The following FAM13A variants were observed in gnomAD, a reference collection of about 807,000 sequenced individuals.
FAM13A encodes family with sequence similarity 13 member A, also known as protein FAM13A.
A neutral mutation model predicts 129.6 loss-of-function variants in FAM13A; 76 were observed. The ratio of observed to expected loss-of-function variants is 0.59; its 90% CI spans 0.49 to 0.71. The LOEUF (loss-of-function observed/expected upper bound fraction) is 0.71, where lower values mean the gene tolerates loss of function less well. Ranked by LOEUF, FAM13A falls within the 30% of genes least tolerant of loss-of-function variation. The pLI is 0.00. For missense variants in FAM13A, 1,108 were observed against 1,249.3 expected (o/e 0.89, Z 1.70); for synonymous variants, 443 against 449.9 (o/e 0.98, Z 0.20).
At chr4:88,922,969 C>A (rs947838941) in intron 5 of FAM13A, among the ~76,000 whole-genome samples, 2 of 152,136 alleles carry the variant, frequency 1.3e-5, no homozygotes, top group South Asian at 2.1e-4. Context: ...ATAAATTCCT[C>A]GACACATACA....
At position 89,028,337 on chromosome 4, in the gene FAM13A, C is replaced by T. The variant is rs566215938; in HGVS notation, c.217+1123G>A. Reference sequence around the variant, plus strand: ...TAGAAAACCAAACCATGCATAAGGGCGGGGGGGATTACTGTACAGAATATT... The same window carrying T: ...TAGAAAACCAAACCATGCATAAGGGTGGGGGGGATTACTGTACAGAATATT... On this transcript the variant is annotated intron_variant, in intron 2 of 23. Coordinates refer to ENST00000264344, the MANE Select transcript of FAM13A (RefSeq NM_014883.4). Among the ~76,000 whole-genome samples, 226 of 151,658 alleles carry T rather than the reference C, an allele frequency of 1.5e-3. 2 individuals carry two copies. The highest frequency in any genetic ancestry group is 5.1e-3 in the African/African-American group (212 of 41,320).
intron 4 of FAM13A, among the ~76,000 whole-genome samples, chr4:88,940,886 TCA>T (rs1754649099): frequency 1.3e-5 from 2 of 152,188 alleles, no homozygotes. Context: ...CACAGAAGAC[TCA>T]CAGAGTTTTA....
Position 88,805,102 on chromosome 4 carries a change from T to C in FAM13A, c.1008-50A>G, listed in dbSNP as rs758874393. The C allele has an allele frequency of 3.7e-5, 36 of 974,634 alleles. 1 individual carries two copies. Among genetic ancestry groups the C allele is most frequent in the Non-Finnish European group, 5.1e-5 (32 of 627,956 alleles). 60.4% of individuals were successfully genotyped at this position (974,634 alleles called of 1,614,324 possible). On this transcript the variant is annotated intron_variant, in intron 7 of 23. Transcript: ENST00000264344. ...TAATATAATGTCTGTTAATATGACA[T>C]GTCAATTTTACTAAAAATGTTCTAC... is the stretch of plus-strand genomic sequence containing the variant.
At chr4:88,758,052 G>A (rs1744048418) in intron 14 of FAM13A, among the ~76,000 whole-genome samples, 1 of 152,106 alleles carries the variant, frequency 6.6e-6, no homozygotes, top group Admixed American at 6.5e-5. Context: ...GCAGACACAT[G>A]GATAATGAAA....
At chr4:88,735,309 A>G (rs1738758317) in intron 21 of FAM13A, among the ~76,000 whole-genome samples, 1 of 152,248 alleles carries the variant, frequency 6.6e-6, no homozygotes, top group Non-Finnish European at 1.5e-5. Context: ...TACATTTTAA[A>G]TTACATATTA....
chr4:88,867,323 A>C (rs1371897016), intron 6 of FAM13A, among the ~76,000 whole-genome samples: 7 of 152,198 alleles, frequency 4.6e-5, no homozygotes, highest in Non-Finnish European at 7.4e-5. Context: ...GTGCTTTAGA[A>C]ACATTAGACA....
At chr4:88,748,391 C>T (rs2149464128) in intron 17 of FAM13A, among the ~76,000 whole-genome samples, 1 of 152,324 alleles carries the variant, frequency 6.6e-6, no homozygotes. Flanking sequence ...GCTTTAGCCA[C>T]ATCAGCCTGT....
intron 6 of FAM13A, among the ~76,000 whole-genome samples, chr4:88,871,948 C>T (rs535795526): frequency 4.6e-5 from 7 of 152,292 alleles, no homozygotes; most frequent in East Asian, 3.9e-4. Flanking sequence ...GCGGATCTCT[C>T]GGCAGAAACT....
At chr4:88,996,855 C>T (rs537248928) in intron 3 of FAM13A, among the ~76,000 whole-genome samples, 2 of 152,194 alleles carry the variant, frequency 1.3e-5, no homozygotes, top group South Asian at 2.1e-4. Flanking sequence ...ATATTAAAAG[C>T]GCTCAAGACA....
chr4:88,927,673 AT>A (rs942712018), intron 5 of FAM13A, among the ~76,000 whole-genome samples: 14 of 151,116 alleles, frequency 9.3e-5, no homozygotes, highest in Non-Finnish European at 1.5e-4. Context: ...GTCTTTGATG[AT>A]TTTTTTTATT....
At chr4:88,940,889 CAG>C (rs1403406134) in intron 4 of FAM13A, among the ~76,000 whole-genome samples, 4 of 152,154 alleles carry the variant, frequency 2.6e-5, no homozygotes, top group Non-Finnish European at 5.9e-5. Flanking sequence ...AGAAGACTCA[CAG>C]AGTTTTATTT....
intron 7 of FAM13A, among the ~76,000 whole-genome samples, chr4:88,831,471 C>T (rs143517963): frequency 2.8e-4 from 42 of 152,226 alleles, no homozygotes; most frequent in African/African-American, 7.9e-4. Context: ...AAAATAAACT[C>T]GTCATATTCC....
At position 88,852,112 on chromosome 4, in the gene FAM13A, T is replaced by C. The variant is rs535658597; in HGVS notation, c.844-929A>G. Among the ~76,000 whole-genome samples, 28 of 151,990 alleles carry C rather than the reference T, an allele frequency of 1.8e-4. 1 individual carries two copies. The highest frequency in any genetic ancestry group is 1.3e-3 in the Admixed American group (20 of 15,258). On this transcript the variant is annotated intron_variant, in intron 6 of 23. Coordinates refer to ENST00000264344, the MANE Select transcript of FAM13A (RefSeq NM_014883.4). ...TAAAACCAAACCAATCCTAACTTCCTTAGAGGCTGAGATAACTCCAGTGGA... is the reference window on the plus strand; with the variant it reads ...TAAAACCAAACCAATCCTAACTTCCCTAGAGGCTGAGATAACTCCAGTGGA...
Position 88,738,478 on chromosome 4 carries a change from C to T in FAM13A, c.2562+552G>A, listed in dbSNP as rs897109218. Among the ~76,000 whole-genome samples, 4 of 152,232 alleles carry T rather than the reference C, an allele frequency of 2.6e-5. No homozygotes were observed. The East Asian group carries it at 7.7e-4, about 29-fold the overall frequency. ...TCTTGACAAAATCAAAAGCCAGGAG[C>T]CAAAAGCAGCAAAGTTTAAGGATGG... is the stretch of plus-strand genomic sequence containing the variant. On this transcript the variant is annotated intron_variant, in intron 20 of 23. Transcript: ENST00000264344.
chr4:88,925,726 AAAGAG>A (rs2148746107), intron 5 of FAM13A, among the ~76,000 whole-genome samples: 1 of 152,126 alleles, frequency 6.6e-6, no homozygotes, highest in East Asian at 1.9e-4. Flanking sequence ...AAAAATAAAA[AAAGAG>A]AAATGCCAAT....
intron 1 of FAM13A, among the ~76,000 whole-genome samples, chr4:89,031,705 G>A (rs1304431463): frequency 1.3e-5 from 2 of 151,992 alleles, no homozygotes; most frequent in Admixed American, 6.6e-5. Flanking sequence ...CTCCATAAAG[G>A]TTACTTTTTT....
At chr4:88,970,260 A>T (rs2178585) in intron 4 of FAM13A, among the ~76,000 whole-genome samples, 105,326 of 152,000 alleles carry the variant, frequency 0.69, 36,606 homozygotes, top group Middle Eastern at 0.8. Flanking sequence ...GCCCCCAGAT[A>T]TTCCTCTAAT....
At chr4:88,986,974 C>A (rs1301785584) in intron 4 of FAM13A, among the ~76,000 whole-genome samples, 1 of 152,124 alleles carries the variant, frequency 6.6e-6, no homozygotes, top group Non-Finnish European at 1.5e-5. Flanking sequence ...ATCTTGGCTT[C>A]TAAATGTAAT....
intron 10 of FAM13A, among the ~76,000 whole-genome samples, chr4:88,781,753 C>CT (rs1373027894): frequency 6.6e-6 from 1 of 151,268 alleles, no homozygotes; most frequent in African/African-American, 2.4e-5. Flanking sequence ...GGAATTGTAT[C>CT]TTCCATTTTA....
Sources: allele counts gnomAD v4.1 joint callset (sites outside exome capture counted in the v4.1 genomes callset), GRCh38; gene constraint gnomAD v4.1.1; transcripts MANE v1.5; gene names NCBI Gene and HGNC (gene_info 2026-07-23, HGNC 2026-07-21).